COL25A1: variants seen among roughly 807,000 people sequenced by gnomAD.
COL25A1 encodes collagen type XXV alpha 1 chain.
In COL25A1, 103 loss-of-function variants were observed where a neutral mutation model predicts 128.4. That is an observed-to-expected ratio of 0.80 (90% CI 0.68 to 0.94). The LOEUF is 0.94. COL25A1 is among the 40% of genes least tolerant of loss of function. The pLI, the probability that COL25A1 is intolerant of heterozygous loss-of-function variation, is 0.00. For synonymous variants in COL25A1, 279 were observed against 277.2 expected, an observed-to-expected ratio of 1.01 and a Z score of -0.06; for missense variants, 745 against 840.0, an observed-to-expected ratio of 0.89 and a Z score of 1.40.
chr4:109,157,398 A>T (rs1048876260), intron 3 of COL25A1, among the ~76,000 whole-genome samples: 1 of 152,194 alleles, frequency 6.6e-6, no homozygotes, highest in African/African-American at 2.4e-5. Flanking sequence ...TGACCTCTTC[A>T]GTACAGTGTA....
intron 19 of COL25A1, among the ~76,000 whole-genome samples, chr4:108,869,413 G>C (rs1178168539): frequency 1.3e-5 from 2 of 152,106 alleles, no homozygotes; most frequent in African/African-American, 2.4e-5. Flanking sequence ...GTCGGGGGGA[G>C]GGGATGTGCA....
At chr4:109,265,653 G>A (rs1781739123) in intron 3 of COL25A1, among the ~76,000 whole-genome samples, 1 of 151,666 alleles carries the variant, frequency 6.6e-6, no homozygotes, top group Non-Finnish European at 1.5e-5. Context: ...GAATCCCAGT[G>A]ATGTCAGGAC....
At chr4:108,920,632 A>G in intron 11 of COL25A1, 28 bp from the exon 12 acceptor site, 1 of 1,584,374 alleles carries the variant, frequency 6.3e-7, no homozygotes, top group Non-Finnish European at 8.6e-7. Flanking sequence ...TTCAATTAAC[A>G]TACTATTGTA....
At chr4:109,045,663 A>G (rs545050787) in intron 5 of COL25A1, among the ~76,000 whole-genome samples, 4 of 152,288 alleles carry the variant, frequency 2.6e-5, no homozygotes, top group Admixed American at 2.0e-4. Flanking sequence ...GGTCCTAAGT[A>G]CTATGGTAGG....
At chr4:108,830,876 A>G (rs1209645996) in intron 32 of COL25A1, among the ~76,000 whole-genome samples, 1 of 152,262 alleles carries the variant, frequency 6.6e-6, no homozygotes, top group Non-Finnish European at 1.5e-5. Context: ...TTGAAAGCCA[A>G]TCTGCATCAG....
At chr4:109,188,742 G>A (rs1484273634) in intron 3 of COL25A1, among the ~76,000 whole-genome samples, 3 of 152,074 alleles carry the variant, frequency 2.0e-5, no homozygotes, top group Non-Finnish European at 2.9e-5. Context: ...TAAGGAGACC[G>A]TCAATCAGAA....
intron 3 of COL25A1, among the ~76,000 whole-genome samples, chr4:109,144,063 T>C (rs1251819851): frequency 6.6e-6 from 1 of 152,180 alleles, no homozygotes; most frequent in African/African-American, 2.4e-5. Context: ...TTGGTGACCT[T>C]TAAATAGAGT....
intron 3 of COL25A1, among the ~76,000 whole-genome samples, chr4:109,080,953 A>G (rs1311403356): frequency 6.6e-6 from 1 of 152,206 alleles, no homozygotes; most frequent in Non-Finnish European, 1.5e-5. Context: ...ATCCTCATAA[A>G]AGTTCTGGGA....
chr4:109,251,456 C>T (rs1022995144), intron 3 of COL25A1, among the ~76,000 whole-genome samples: 1 of 152,108 alleles, frequency 6.6e-6, no homozygotes, highest in East Asian at 1.9e-4. Flanking sequence ...CTAAGAGACA[C>T]GCTAGGAGAT....
chr4:109,265,914 C>T (rs941165542), intron 3 of COL25A1, among the ~76,000 whole-genome samples: 1 of 152,198 alleles, frequency 6.6e-6, no homozygotes, highest in Non-Finnish European at 1.5e-5. Flanking sequence ...GCAGCCCTTT[C>T]TTTGGATTCC....
intron 3 of COL25A1, among the ~76,000 whole-genome samples, chr4:109,249,496 T>C (rs1309330129): frequency 2.6e-5 from 4 of 152,110 alleles, no homozygotes; most frequent in African/African-American, 9.7e-5. Context: ...GAAATTTAAA[T>C]GGAGAGACAA....
At position 108,933,281 on chromosome 4, in the gene COL25A1, C is replaced by T. The variant is rs566348437; in HGVS notation, c.708+4527G>A. 3.3e-5 allele frequency among the ~76,000 whole-genome samples: 5 copies of T among 152,218 alleles called. No individual in the cohort carries two copies. In the East Asian group the frequency reaches 9.7e-4, roughly 29 times the overall value. ...AACAACTCTCTAGTGCCTCTTAAGG[C>T]CCTTATGTAAGCAAGCACTCCTCCA... On this transcript the variant is annotated intron_variant, in intron 11 of 37. Coordinates refer to ENST00000399132, the MANE Select transcript of COL25A1 (RefSeq NM_198721.4).
chr4:109,016,829 G>T (rs1402461506), intron 5 of COL25A1, among the ~76,000 whole-genome samples: 2 of 152,176 alleles, frequency 1.3e-5, no homozygotes, highest in African/African-American at 4.8e-5. Flanking sequence ...GCTTAATAAG[G>T]CTCCTCTCCA....
chr4:109,237,833 GC>G (rs1779575688), intron 3 of COL25A1, among the ~76,000 whole-genome samples: 1 of 151,782 alleles, frequency 6.6e-6, no homozygotes, highest in Admixed American at 6.6e-5. Flanking sequence ...CCTGTTCTAG[GC>G]CCCCATTCCC....
chr4:108,962,060 T>C (rs1750770152), intron 8 of COL25A1, among the ~76,000 whole-genome samples: 1 of 152,208 alleles, frequency 6.6e-6, no homozygotes, highest in African/African-American at 2.4e-5. Context: ...CTTCCTAATG[T>C]TACAGTTAGT....
At chr4:109,247,008 G>A (rs558189559) in intron 3 of COL25A1, among the ~76,000 whole-genome samples, 2 of 152,316 alleles carry the variant, frequency 1.3e-5, no homozygotes, top group South Asian at 4.1e-4. Context: ...CTTGATGTTT[G>A]TGCATTTAAG....
chr4:108,996,404 T>C (rs1754778733), intron 6 of COL25A1, among the ~76,000 whole-genome samples: 1 of 151,804 alleles, frequency 6.6e-6, no homozygotes, highest in Non-Finnish European at 1.5e-5. Context: ...AAGGGATTAA[T>C]GCAACATGAA....
At chr4:108,939,643 G>T (rs942841966) in intron 10 of COL25A1, among the ~76,000 whole-genome samples, 1 of 151,454 alleles carries the variant, frequency 6.6e-6, no homozygotes, top group African/African-American at 2.4e-5. Context: ...TCTGCTTCGT[G>T]GATAAATATT....
intron 11 of COL25A1, among the ~76,000 whole-genome samples, chr4:108,925,399 T>A (rs2125906927): frequency 6.6e-6 from 1 of 151,674 alleles, no homozygotes; most frequent in South Asian, 2.1e-4. Flanking sequence ...GATAAAGAGG[T>A]CAGGAAAAGA....
Sources: gnomAD v4.1 joint callset for allele counts (sites outside exome capture counted in the v4.1 genomes callset) on GRCh38, gnomAD v4.1.1 for gene constraint, MANE v1.5 for transcripts, NCBI Gene and HGNC (gene_info 2026-07-23, HGNC 2026-07-21) for gene names.